Variants in TTLL8 observed in about 807,000 individuals in gnomAD.
The protein encoded by TTLL8 is protein monoglycylase TTLL8.
A neutral mutation model predicts 77.8 loss-of-function variants in TTLL8; 65 were observed. The observed-to-expected ratio is 0.84, with a 90% CI of 0.68 to 1.03. The LOEUF (loss-of-function observed/expected upper bound fraction) is 1.03. Ranked by LOEUF, TTLL8 falls within the 50% of genes least tolerant of loss-of-function variation. TTLL8 has a pLI of 0.00. For synonymous variants in TTLL8, 402 were observed against 422.8 expected (o/e 0.95, Z 0.60); for missense variants, 910 against 1,004.5 (o/e 0.91, Z 1.27).
At chr22:50,051,337 C>T (rs1160950814) in intron 1 of TTLL8, among the ~76,000 whole-genome samples, 2 of 152,212 alleles carry the variant, frequency 1.3e-5, no homozygotes, top group African/African-American at 4.8e-5. Flanking sequence ...GCCTTCAGCT[C>T]CATCCAGGTT....
At chr22:50,047,129 C>A in intron 4 of TTLL8, 39 bp downstream of exon 6, 1 of 1,364,450 alleles carries the variant, frequency 7.3e-7, no homozygotes, top group South Asian at 1.1e-5. Flanking sequence ...CCCCACCACC[C>A]TTGCCGGCTC....
At chr22:50,025,878 C>T (rs1027170048) in intron 12 of TTLL8, among the ~76,000 whole-genome samples, 2 of 152,156 alleles carry the variant, frequency 1.3e-5, no homozygotes, top group African/African-American at 4.8e-5. Context: ...CACAGCCTGA[C>T]AATACCCAGT....
chr22:50,049,173 TG>T, intron 3 of TTLL8, 75 bp downstream of exon 5: 1 of 1,356,120 alleles, frequency 7.4e-7, no homozygotes. Flanking sequence ...CATGGGAGAG[TG>T]GGCACGGAGC....
At chr22:50,037,639 A>T (rs901875443) in intron 8 of TTLL8, among the ~76,000 whole-genome samples, 1 of 152,170 alleles carries the variant, frequency 6.6e-6, no homozygotes, top group African/African-American at 2.4e-5. Context: ...TGAAAAGACC[A>T]ACCTTTCCCT....
At chr22:50,027,327 A>G (rs535636782) in intron 12 of TTLL8, among the ~76,000 whole-genome samples, 1 of 151,600 alleles carries the variant, frequency 6.6e-6, no homozygotes, top group Non-Finnish European at 1.5e-5. Context: ...TGAGCTTAGG[A>G]GTTTCCAACC....
intron 9 of TTLL8, among the ~76,000 whole-genome samples, chr22:50,033,662 C>A (rs942173035): frequency 6.6e-6 from 1 of 152,202 alleles, no homozygotes; most frequent in Non-Finnish European, 1.5e-5. Context: ...CCCAGGCTCT[C>A]CCCCAACAGA....
intron 8 of TTLL8, among the ~76,000 whole-genome samples, chr22:50,040,996 C>T (rs990276330): frequency 1.6e-4 from 25 of 152,296 alleles, no homozygotes; most frequent in African/African-American, 5.5e-4. Flanking sequence ...TGAGAGTCAG[C>T]GAGCCAGGAG....
At chr22:50,049,151 AT>A (rs1475973830) in intron 3 of TTLL8, 97 bp downstream of exon 5, 2 of 1,336,664 alleles carry the variant, frequency 1.5e-6, no homozygotes, top group Non-Finnish European at 2.0e-6. Flanking sequence ...CCGGGCTGCC[AT>A]CCCCCCAGGA....
exon 6 of TTLL8, chr22:50,045,352 C>T (rs757997698): frequency 1.5e-6 from 2 of 1,366,188 alleles, no homozygotes; most frequent in South Asian, 2.3e-5. Context: ...TGACCACCCA[C>T]TTGAGGATGC....
chr22:50,030,630 C>T (rs1453679734), exon 12 of TTLL8: 6 of 1,291,108 alleles, frequency 4.6e-6, no homozygotes, highest in Middle Eastern at 4.5e-4. Flanking sequence ...AGCTTTGGTG[C>T]GGGTGGGCTG....
exon 5 of TTLL8, chr22:50,045,892 T>C (rs757739576): frequency 7.3e-7 from 1 of 1,360,546 alleles, no homozygotes; most frequent in Admixed American, 1.9e-5. Flanking sequence ...GTGCAGAGGC[T>C]GTAGCAGCGT....
chr22:50,057,611 G>A (rs112763442), upstream of TTLL8, among the ~76,000 whole-genome samples: 464 of 35,156 alleles, frequency 0.013, 105 homozygotes, highest in East Asian at 0.28. Context: ...GGTTGAGCGG[G>A]AGGTCTGGGT....
chr22:50,045,227 G>A (rs1329139650), intron 6 of TTLL8, 28 bp downstream of exon 8: 3 of 1,343,026 alleles, frequency 2.2e-6, no homozygotes, highest in South Asian at 2.3e-5. Context: ...CTGGTGGCCT[G>A]GCACTGCCCT....
exon 2 of TTLL8, chr22:50,050,198 G>A (rs2061436800): frequency 1.5e-6 from 2 of 1,361,400 alleles, no homozygotes; most frequent in Admixed American, 1.9e-5. Flanking sequence ...CCTTCGCAGA[G>A]CGGCCCGGAC....
chr22:50,021,509 T>C (rs1417019817), intron 12 of TTLL8, among the ~76,000 whole-genome samples: 1 of 141,516 alleles, frequency 7.1e-6, no homozygotes, highest in African/African-American at 2.7e-5. Flanking sequence ...TCTGATGACG[T>C]GCACTCCTCC....
chr22:50,039,187 C>T (rs1051162726), intron 8 of TTLL8, among the ~76,000 whole-genome samples: 1 of 152,102 alleles, frequency 6.6e-6, no homozygotes, highest in African/African-American at 2.4e-5. Context: ...AGAAAATGTT[C>T]TCTCTTTCTC....
At chr22:50,046,526 G>A (rs188466598) in intron 4 of TTLL8, among the ~76,000 whole-genome samples, 71 of 152,370 alleles carry the variant, frequency 4.7e-4, no homozygotes, top group Non-Finnish European at 8.5e-4. Flanking sequence ...CTCTGCACAC[G>A]GGGTCTTTGA....
intron 12 of TTLL8, among the ~76,000 whole-genome samples, chr22:50,019,680 G>A (rs146065692): frequency 0.012 from 1,853 of 152,272 alleles, 17 homozygotes; most frequent in Non-Finnish European, 0.018. Context: ...AGTTCACACC[G>A]GGACTGAGCT....
intron 12 of TTLL8, among the ~76,000 whole-genome samples, chr22:50,026,038 G>A (rs1167265037): frequency 3.3e-5 from 5 of 152,184 alleles, no homozygotes; most frequent in Non-Finnish European, 7.3e-5. Context: ...ACACAGCCAA[G>A]ACAGACAAAG....
Sources: gnomAD v4.1 joint callset for allele counts (sites outside exome capture counted in the v4.1 genomes callset) on GRCh38, gnomAD v4.1.1 for gene constraint, MANE v1.5 for transcripts, NCBI Gene and HGNC (gene_info 2026-07-23, HGNC 2026-07-21) for gene names.